The following CENPI variants were observed in gnomAD, a reference collection of about 807,000 sequenced individuals.
CENPI encodes centromere protein I.
CENPI carries 4 observed loss-of-function variants against 60.4 expected under a neutral mutation model. That is an observed-to-expected ratio of 0.07 (90% CI 0.03 to 0.15). The LOEUF (loss-of-function observed/expected upper bound fraction) is 0.15, where lower values mean the gene tolerates loss of function less well. Ranked by LOEUF, CENPI falls within the 10% of genes least tolerant of loss-of-function variation. CENPI has a pLI of 1.00. For synonymous variants in CENPI, 157 were observed against 189.4 expected (o/e 0.83, Z 1.40); for missense variants, 444 against 534.5 (o/e 0.83, Z 1.67).
At chrX:101,148,908 A>G (rs771502350) in intron 20 of CENPI, among the ~76,000 whole-genome samples, 2 of 111,993 alleles carry the variant, frequency 1.8e-5, no homozygotes, top group East Asian at 5.6e-4. Context: ...TATACAATGA[A>G]CCAGGCACTA....
chrX:101,156,977 C>T, intron 20 of CENPI, among the ~76,000 whole-genome samples: 1 of 111,078 alleles, frequency 9.0e-6, no homozygotes, highest in South Asian at 3.8e-4. Flanking sequence ...GCACAAGTGC[C>T]TTTTTTTGTA....
chrX:101,148,168 G>A lies in CENPI; in HGVS notation c.2094+7G>A. ...TGTTTCCTTTTTGCTACAGGTAAGG[G>A]TATTTAAAGAATTTTTAGATTTTGT... On this transcript the variant is annotated splice_region_variant and intron_variant, in intron 20 of 21. Coordinates refer to ENST00000682095, the MANE Select transcript of CENPI (RefSeq NM_001386188.2). 4.2e-6 allele frequency: 5 copies of A among 1,177,163 alleles called. No individual in the cohort carries two copies. Among genetic ancestry groups the A allele is most frequent in the South Asian group, 3.7e-5 (2 of 54,535 alleles).
At chrX:101,150,519 C>T (rs752070223) in intron 20 of CENPI, among the ~76,000 whole-genome samples, 1 of 109,833 alleles carries the variant, frequency 9.1e-6, no homozygotes, top group Non-Finnish European at 1.9e-5. Flanking sequence ...TACAGGCGTG[C>T]GCCAACGCTC....
rs148473399 is a variant in CENPI, at chrX:101,132,207, T to C, written c.1305T>C (p.Cys435=). Residue 435 remains cysteine (C), a synonymous_variant, in exon 14 of 22, where the codon TGT becomes TGC. Coordinates refer to ENST00000682095, the MANE Select transcript of CENPI (RefSeq NM_001386188.2). ...ECFLQEGFYS[C]EAFLYKSLPL... ...TGTTACAGGAGGGGTTTTATTCCTG[T>C]GAAGCATTCCTGTATAAGAGCCTTC... 213 of 1,201,671 alleles carry C rather than the reference T, an allele frequency of 1.8e-4. 1 individual carries two copies. The African/African-American group carries it at 3.0e-3, about 17-fold the overall frequency.
intron 6 of CENPI, among the ~76,000 whole-genome samples, chrX:101,113,830 G>A (rs1259613346): frequency 8.9e-6 from 1 of 112,378 alleles, no homozygotes; most frequent in Admixed American, 9.5e-5. Flanking sequence ...ATTAGTGTAT[G>A]TAGAATTCTA....
At chrX:101,099,199 G>T (rs1325064222) in intron 2 of CENPI, among the ~76,000 whole-genome samples, 1 of 110,670 alleles carries the variant, frequency 9.0e-6, no homozygotes, top group Non-Finnish European at 1.9e-5. Context: ...GGCTGAGGCA[G>T]GTGTGGATCA....
chrX:101,119,492 A>G (rs1175895097), intron 6 of CENPI, among the ~76,000 whole-genome samples: 1 of 111,990 alleles, frequency 8.9e-6, no homozygotes, highest in Non-Finnish European at 1.9e-5. Flanking sequence ...TGTCACAACT[A>G]TTCAACTCTG....
At chrX:101,135,344 A>T (rs1352030903) in intron 15 of CENPI, among the ~76,000 whole-genome samples, 1 of 111,408 alleles carries the variant, frequency 9.0e-6, no homozygotes, top group Non-Finnish European at 1.9e-5. Context: ...CAGAGTTCTA[A>T]GGTCCTCAAT....
chrX:101,120,115 A>T (rs1396811787), intron 6 of CENPI, among the ~76,000 whole-genome samples: 1 of 112,409 alleles, frequency 8.9e-6, no homozygotes, highest in Non-Finnish European at 1.9e-5. Flanking sequence ...GAATACATTA[A>T]TTTTTGTTAG....
At position 101,127,192 on chromosome X, in the gene CENPI, C is replaced by G. The variant is rs2089745151; in HGVS notation, c.832C>G (p.Gln278Glu). Residue 278 changes from glutamine to glutamate, a missense_variant, in exon 10 of 22, where the codon CAA becomes GAA. Transcript: ENST00000682095. Reference protein sequence around the residue: ...LWKTALLAVKQRNRGPSPEPL... With the variant: ...LWKTALLAVKERNRGPSPEPL... ...GAAGACGGCTCTGCTTGCCGTGAAG[C>G]AAAGAAACCGGGGACCTTCTCCAGA... The G allele has an allele frequency of 8.4e-7, 1 of 1,192,814 alleles. No homozygotes were observed. The highest frequency in any genetic ancestry group is 1.8e-5 in the African/African-American group (1 of 56,734).
At chrX:101,125,998 T>G (rs1390797892) in intron 8 of CENPI, among the ~76,000 whole-genome samples, 2 of 111,291 alleles carry the variant, frequency 1.8e-5, no homozygotes, top group East Asian at 5.5e-4. Context: ...TGGTTTTGTT[T>G]TAATAAATTT....
chrX:101,121,043 C>T (rs771574735), intron 8 of CENPI, among the ~76,000 whole-genome samples: 2 of 109,605 alleles, frequency 1.8e-5, no homozygotes, highest in African/African-American at 6.6e-5. Flanking sequence ...ACCCGGCTAA[C>T]TTTTGTGTTT....
Position 101,127,200 on chromosome X carries a change from C to T in CENPI, c.840C>T (p.Asn280=). The change falls in exon 10 of 22, where the codon AAC becomes AAT. Residue 280 remains asparagine (N), a synonymous_variant. Coordinates refer to ENST00000682095, the MANE Select transcript of CENPI (RefSeq NM_001386188.2). ...CTCTGCTTGCCGTGAAGCAAAGAAA[C>T]CGGGGACCTTCTCCAGAACCTCTGA... The part of the protein sequence containing the change: ...KTALLAVKQR[N]RGPSPEPLKL... 8.4e-7 allele frequency: 1 copy of T among 1,196,682 alleles called. No homozygotes were observed. The highest frequency in any genetic ancestry group is 1.1e-6 in the Non-Finnish European group (1 of 888,197).
chrX:101,108,373 T>C (rs1211161046), intron 4 of CENPI, among the ~76,000 whole-genome samples: 1 of 110,316 alleles, frequency 9.1e-6, no homozygotes, highest in Non-Finnish European at 1.9e-5. Flanking sequence ...TTTTTTTTTT[T>C]CCCATAGAGA....
chrX:101,139,352 C>T (rs910012322), intron 15 of CENPI, among the ~76,000 whole-genome samples: 1 of 110,669 alleles, frequency 9.0e-6, no homozygotes, highest in African/African-American at 3.3e-5. Context: ...TTCTCGGCCT[C>T]CCAAAGTGCT....
chrX:101,159,506 T>C (rs1207638331), intron 20 of CENPI, among the ~76,000 whole-genome samples: 1 of 106,827 alleles, frequency 9.4e-6, no homozygotes, highest in Admixed American at 1.0e-4. Flanking sequence ...TTGCCCAGGC[T>C]GAAGTGCCAT....
downstream of CENPI, among the ~76,000 whole-genome samples, chrX:101,166,885 A>G (rs1476839769): frequency 7.2e-5 from 8 of 111,267 alleles, no homozygotes; most frequent in South Asian, 3.8e-4. Flanking sequence ...TCAGCCTCCC[A>G]AGTAGCTGGG....
intron 20 of CENPI, among the ~76,000 whole-genome samples, chrX:101,159,613 C>T (rs1179702434): frequency 2.7e-5 from 3 of 110,953 alleles, no homozygotes; most frequent in Admixed American, 9.7e-5. Flanking sequence ...CATCTGCCAC[C>T]GTGCCCAGCT....
intron 20 of CENPI, among the ~76,000 whole-genome samples, chrX:101,153,055 C>T (rs1304909625): frequency 1.8e-5 from 2 of 108,598 alleles, no homozygotes; most frequent in African/African-American, 6.7e-5. Flanking sequence ...TTCCCATCAG[C>T]AGTATGTGAG....
Sources: allele counts gnomAD v4.1 joint callset (sites outside exome capture counted in the v4.1 genomes callset), GRCh38; gene constraint gnomAD v4.1.1; transcripts MANE v1.5; gene names NCBI Gene and HGNC (gene_info 2026-07-23, HGNC 2026-07-21).